Variants in FAM89A observed in about 807,000 individuals in gnomAD.
The protein encoded by FAM89A is protein FAM89A.
Under a neutral mutation model 7.1 loss-of-function variants are expected in FAM89A, and 10 were observed. The ratio of observed to expected loss-of-function variants is 1.40; its 90% CI spans 0.86 to 2.38. The LOEUF (loss-of-function observed/expected upper bound fraction) is 2.38. Ranked by LOEUF, FAM89A falls within the 30% of genes most tolerant of loss-of-function variation. The pLI, the probability that FAM89A is intolerant of heterozygous loss-of-function variation, is 0.00. For synonymous variants in FAM89A, 157 were observed against 129.3 expected, an observed-to-expected ratio of 1.21 and a Z score of -1.45; for missense variants, 276 against 262.8, an observed-to-expected ratio of 1.05 and a Z score of -0.35.
intron 1 of FAM89A, 112 bp from the exon 2 acceptor site, chr1:231,020,238 GC>G: frequency 8.9e-7 from 1 of 1,121,322 alleles, no homozygotes; most frequent in Non-Finnish European, 1.2e-6. Context: ...TCCACACGGC[GC>G]ATGATTCAGA....
At chr1:231,021,616 T>C in intron 1 of FAM89A, 1 of 1,507,966 alleles carries the variant, frequency 6.6e-7, no homozygotes, top group Non-Finnish European at 9.2e-7. Context: ...GCACAATGAG[T>C]ACAAGAAAGC....
At chr1:231,022,546 T>C (rs1679899606) in intron 1 of FAM89A, among the ~76,000 whole-genome samples, 1 of 152,166 alleles carries the variant, frequency 6.6e-6, no homozygotes, top group Non-Finnish European at 1.5e-5. Context: ...GTCCCAAGTG[T>C]CTGCCGGTCG....
At chr1:231,039,875 G>T in intron 1 of FAM89A, 46 bp downstream of exon 1, 9 of 1,276,830 alleles carry the variant, frequency 7.0e-6, no homozygotes, top group Non-Finnish European at 8.9e-6. Context: ...TTCCCGGGAC[G>T]GCGAGCCCGG....
chr1:231,038,790 G>A (rs1353826887), intron 1 of FAM89A, among the ~76,000 whole-genome samples: 5 of 151,342 alleles, frequency 3.3e-5, no homozygotes, highest in African/African-American at 1.2e-4. Flanking sequence ...TGAAAAAAAA[G>A]TATGCATACC....
In FAM89A at chr1:231,040,101, C is replaced by T. The variant is rs755496867; in HGVS notation, c.111G>A (p.Ser37=). Residue 37 remains serine, a synonymous_variant, in exon 1 of 2, where the codon TCG becomes TCA. Coordinates refer to ENST00000366654, the MANE Select transcript of FAM89A (RefSeq NM_198552.3). ...LPKSLSGLLH[S]ASGGGASGGW... is the part of the protein sequence containing the mutation. Reference sequence around the variant, plus strand: ...CCCCAGACGCGCCGCCGCCCGACGCCGAGTGCAGCAGCCCGCTCAAGCTCT... The same window carrying T: ...CCCCAGACGCGCCGCCGCCCGACGCTGAGTGCAGCAGCCCGCTCAAGCTCT... 1.4e-6 allele frequency: 2 copies of T among 1,436,160 alleles called. No homozygotes were observed. The highest frequency in any genetic ancestry group is 1.8e-6 in the Non-Finnish European group (2 of 1,095,060). The allele number at this position is 1,436,160 out of a possible 1,614,324, so 89.0% of individuals were successfully genotyped here. A position where few individuals can be genotyped will look rare whatever the true frequency, so the allele number is the denominator to read the frequency against.
chr1:231,037,394 T>C (rs555641980), intron 1 of FAM89A, among the ~76,000 whole-genome samples: 2 of 152,322 alleles, frequency 1.3e-5, no homozygotes, highest in Non-Finnish European at 2.9e-5. Flanking sequence ...GCTTAAGTTA[T>C]CTTTGATCCC....
intron 1 of FAM89A, among the ~76,000 whole-genome samples, chr1:231,039,390 G>A (rs920890957): frequency 3.3e-5 from 5 of 152,242 alleles, no homozygotes; most frequent in African/African-American, 4.8e-5. Flanking sequence ...TGTGCGCCGG[G>A]GCCATCCCGC....
intron 1 of FAM89A, among the ~76,000 whole-genome samples, chr1:231,034,310 T>C (rs906894441): frequency 5.3e-5 from 8 of 152,200 alleles, no homozygotes; most frequent in African/African-American, 1.9e-4. Flanking sequence ...AATACTGCCA[T>C]GGCCAAAAGG....
At chr1:231,025,714 A>G (rs1485963946) in intron 1 of FAM89A, among the ~76,000 whole-genome samples, 1 of 152,036 alleles carries the variant, frequency 6.6e-6, no homozygotes, top group Non-Finnish European at 1.5e-5. Flanking sequence ...TATTAAAAAA[A>G]GGAGAGACAG....
rs143229057 is a variant in FAM89A, at chr1:231,020,156, C to T, written c.292-30G>A. 6.1e-5 allele frequency: 95 copies of T among 1,568,290 alleles called. No individual in the cohort carries two copies. In the Admixed American group the frequency reaches 6.1e-4, roughly 10 times the overall value. On this transcript the variant is annotated intron_variant, in intron 1 of 1. Transcript: ENST00000366654. ...AGGGAAGGGGTGGGGAGGTAAAAAA[C>T]GAGAAGTCAGCACTTGAGTTTAATT...
intron 1 of FAM89A, chr1:231,026,388 C>T (rs901424232): frequency 6.6e-6 from 1 of 152,194 alleles, no homozygotes; most frequent in Non-Finnish European, 1.5e-5. Context: ...CTTGGGATAT[C>T]TTACCTCAAA....
chr1:231,019,100 GA>G lies in FAM89A; in HGVS notation c.*762del, dbSNP rs1405402266. Reference sequence around the variant, plus strand: ...TTTCTAGCACACTAGTTTACATTCGGAATCTTAAAAATGAAAACATTTGCCA... The same window carrying G: ...TTTCTAGCACACTAGTTTACATTCGGATCTTAAAAATGAAAACATTTGCCA... On this transcript the variant is annotated 3_prime_UTR_variant, in exon 2 of 2. Coordinates refer to ENST00000366654, the MANE Select transcript of FAM89A (RefSeq NM_198552.3). 6.6e-6 allele frequency: 1 copy of G among 151,810 alleles called. No individual in the cohort carries two copies. Among genetic ancestry groups the G allele is most frequent in the Non-Finnish European group, 1.5e-5 (1 of 68,008 alleles). The allele number at this position is 151,810 out of a possible 1,614,324, so 9.4% of individuals were successfully genotyped here. A position where few individuals can be genotyped will look rare whatever the true frequency, so the allele number is the denominator to read the frequency against.
Position 231,019,830 on chromosome 1 carries a change from G to T in FAM89A, c.*33C>A. ...GATGACAGCGTGTCCAGTAGGAAGG[G>T]CTTCCCAACAGTCACATCCCTCCCA... On this transcript the variant is annotated 3_prime_UTR_variant, in exon 2 of 2. Coordinates refer to ENST00000366654, the MANE Select transcript of FAM89A (RefSeq NM_198552.3). 4.4e-6 allele frequency: 7 copies of T among 1,597,822 alleles called. No homozygotes were observed.
chr1:231,020,003 T>C lies in FAM89A; in HGVS notation c.415A>G (p.Asn139Asp), dbSNP rs1213936051. ...SSPDCTYALE[N>D]GFFDEEEEYF... ...TCCTCCTCTTCATCGAAGAAGCCGTTCTCCAGAGCGTAAGTGCAGTCTGGG... is the reference window on the plus strand; with the variant it reads ...TCCTCCTCTTCATCGAAGAAGCCGTCCTCCAGAGCGTAAGTGCAGTCTGGG... The change falls in exon 2 of 2, where the codon AAC becomes GAC. Residue 139 changes from asparagine (N) to aspartate (D), a missense_variant. Transcript: ENST00000366654. 5 of 1,614,002 alleles carry C rather than the reference T, an allele frequency of 3.1e-6. No homozygotes were observed. Among genetic ancestry groups the C allele is most frequent in the Non-Finnish European group, 4.2e-6 (5 of 1,179,976 alleles).
At chr1:231,020,198 C>A in intron 1 of FAM89A, 72 bp from the exon 2 acceptor site, 2 of 1,451,468 alleles carry the variant, frequency 1.4e-6, no homozygotes, top group Non-Finnish European at 1.8e-6. Context: ...GAACACTCAG[C>A]CGGCGATCTG....
chr1:231,021,212 CCT>C (rs1413744052), intron 1 of FAM89A, among the ~76,000 whole-genome samples: 1 of 152,246 alleles, frequency 6.6e-6, no homozygotes, highest in African/African-American at 2.4e-5. Context: ...CTTCTTGGCC[CCT>C]GAGCAAGGTA....
intron 1 of FAM89A, among the ~76,000 whole-genome samples, chr1:231,024,650 C>A (rs550753177): frequency 7.0e-4 from 107 of 152,072 alleles, no homozygotes; most frequent in African/African-American, 2.4e-3. Flanking sequence ...GATCCTCCTG[C>A]CTCAACCTCC....
intron 1 of FAM89A, among the ~76,000 whole-genome samples, chr1:231,037,432 A>T (rs965330389): frequency 2.0e-5 from 3 of 152,022 alleles, no homozygotes; most frequent in Non-Finnish European, 4.4e-5. Flanking sequence ...TGACTCAGTA[A>T]TTCCTCCAGC....
intron 1 of FAM89A, among the ~76,000 whole-genome samples, chr1:231,032,113 TAAGA>T (rs1680080406): frequency 6.6e-6 from 1 of 152,250 alleles, no homozygotes; most frequent in Non-Finnish European, 1.5e-5. Context: ...TGTATTGGTA[TAAGA>T]AAGAGTCAAT....
Sources: allele counts gnomAD v4.1 joint callset (sites outside exome capture counted in the v4.1 genomes callset), GRCh38; gene constraint gnomAD v4.1.1; transcripts MANE v1.5; gene names NCBI Gene and HGNC (gene_info 2026-07-23, HGNC 2026-07-21).